Variants in PGBD5 observed in about 807,000 individuals in gnomAD.
PGBD5 encodes piggyBac transposable element-derived protein 5.
Under a neutral mutation model 47.9 loss-of-function variants are expected in PGBD5, and 14 were observed. That is an observed-to-expected ratio of 0.29 (90% CI 0.19 to 0.46). PGBD5 has a LOEUF of 0.46. Among genes scored for constraint, PGBD5 ranks in the 20% least tolerant of loss-of-function variants. The probability of loss-of-function intolerance (pLI) is 1.00; values close to 1 mark genes in which losing one functional copy is unlikely to be tolerated. For missense variants in PGBD5, 635 were observed against 716.0 expected (o/e 0.89, Z 1.29); for synonymous variants, 316 against 306.3 (o/e 1.03, Z -0.33).
At chr1:230,326,373 G>A (rs114612308) in intron 5 of PGBD5, among the ~76,000 whole-genome samples, 5,325 of 152,314 alleles carry the variant, frequency 0.035, 119 homozygotes, top group South Asian at 0.067. Context: ...TGCTGAGATC[G>A]CTGCCATTGT....
At position 230,402,963 on chromosome 1, in the gene PGBD5, C is replaced by T. The variant is rs936120587; in HGVS notation, c.331+22635G>A. ...TAATGGATCCTTGTCTTCATCCAAG[C>T]AACTACAAGATCAAGCCTTTGTGAA... is the stretch of plus-strand genomic sequence containing the variant. On this transcript the variant is annotated intron_variant, in intron 1 of 6. Transcript: ENST00000391860. 2.0e-5 allele frequency among the ~76,000 whole-genome samples: 3 copies of T among 152,188 alleles called. No individual in the cohort carries two copies. In the South Asian group the frequency reaches 6.2e-4, roughly 32 times the overall value.
chr1:230,327,977 T>C (rs1667149471), intron 5 of PGBD5, among the ~76,000 whole-genome samples: 1 of 152,192 alleles, frequency 6.6e-6, no homozygotes, highest in Non-Finnish European at 1.5e-5. Flanking sequence ...CTCTGTAGGG[T>C]TCCACTTGGA....
rs1394584575 is a variant in PGBD5, at chr1:230,357,297, C to G, written c.356G>C (p.Ser119Thr). The change falls in exon 2 of 7, where the codon AGC becomes ACC. Residue 119 changes from serine to threonine, a missense_variant. Coordinates refer to ENST00000391860, the MANE Select transcript of PGBD5 (RefSeq NM_001258311.2). This position sits in a 1 kb window ranked among gnomAD's most constrained non-coding sequence, Gnocchi z 5.7. ...TGGPTRKMPPSASAVDFFQLF... is the reference protein window; with the variant it reads ...TGGPTRKMPPTASAVDFFQLF... ...CTGGAAGAAGTCCACGGCACTGGCG[C>G]TGGGGGGCATCTTTCGGGTGGGACC... is the stretch of plus-strand genomic sequence containing the variant. 11 of 1,613,544 alleles carry G rather than the reference C, an allele frequency of 6.8e-6. No homozygotes were observed. The highest frequency in any genetic ancestry group is 9.3e-6 in the Non-Finnish European group (11 of 1,179,682).
chr1:230,374,185 G>A (rs905419075), intron 1 of PGBD5, among the ~76,000 whole-genome samples: 2 of 152,148 alleles, frequency 1.3e-5, no homozygotes, highest in Admixed American at 6.5e-5. Flanking sequence ...TTGGGAGGCC[G>A]AGGTGGGTGG....
At chr1:230,347,361 C>T (rs2102698645) in intron 3 of PGBD5, among the ~76,000 whole-genome samples, 1 of 152,168 alleles carries the variant, frequency 6.6e-6, no homozygotes, top group Non-Finnish European at 1.5e-5. Context: ...AGTCCAACAT[C>T]AGAGAAGCCC....
chr1:230,387,717 C>T (rs1486918335), intron 1 of PGBD5, among the ~76,000 whole-genome samples: 1 of 152,156 alleles, frequency 6.6e-6, no homozygotes, highest in African/African-American at 2.4e-5. Context: ...AGTGGAATAG[C>T]CATGGTCTCA....
intron 1 of PGBD5, among the ~76,000 whole-genome samples, chr1:230,423,610 T>G (rs1186930009): frequency 6.6e-6 from 1 of 152,194 alleles, no homozygotes; most frequent in Non-Finnish European, 1.5e-5. Context: ...TTGGAGAAAC[T>G]GAATTCAAGT....
chr1:230,402,305 G>A (rs137983244), intron 1 of PGBD5, among the ~76,000 whole-genome samples: 88 of 152,328 alleles, frequency 5.8e-4, no homozygotes, highest in African/African-American at 1.9e-3. Context: ...AGAAGTCCAC[G>A]TGGCCTAACG....
rs1332019837 is a variant in PGBD5 at position 230,323,344 on chromosome 1, G to A, written c.*81C>T. ...GCAAGCCACACACCAGGCCGTGTCC[G>A]GGTCTCTGATGGGCAAGTTGGAACG... On this transcript the variant is annotated 3_prime_UTR_variant, in exon 7 of 7. Transcript: ENST00000391860. This position sits in a 1 kb window ranked among gnomAD's most constrained non-coding sequence, Gnocchi z 4.1. The A allele has an allele frequency of 9.9e-6, 15 of 1,508,514 alleles. No homozygotes were observed. Among genetic ancestry groups the A allele is most frequent in the Middle Eastern group, 2.3e-4 (1 of 4,406 alleles). The allele number at this position is 1,508,514 out of a possible 1,614,324, so 93.4% of individuals were successfully genotyped here. A position where few individuals can be genotyped will look rare whatever the true frequency, so the allele number is the denominator to read the frequency against.
intron 1 of PGBD5, among the ~76,000 whole-genome samples, chr1:230,384,312 G>T (rs545270521): frequency 6.6e-4 from 100 of 152,260 alleles, no homozygotes; most frequent in African/African-American, 2.4e-3. Flanking sequence ...TGACTGCATG[G>T]GGTGGGAAAT....
chr1:230,379,585 A>G (rs996454207), intron 1 of PGBD5, among the ~76,000 whole-genome samples: 5 of 152,266 alleles, frequency 3.3e-5, no homozygotes, highest in African/African-American at 1.2e-4. Flanking sequence ...CATGTTCACC[A>G]GCATGCAATG....
At chr1:230,326,744 G>C (rs1667123628) in intron 5 of PGBD5, among the ~76,000 whole-genome samples, 1 of 152,108 alleles carries the variant, frequency 6.6e-6, no homozygotes, top group African/African-American at 2.4e-5. Flanking sequence ...CAAAACTCTG[G>C]GATTACATGT....
intron 1 of PGBD5, chr1:230,367,959 G>A (rs749593901): frequency 1.5e-6 from 2 of 1,366,218 alleles, no homozygotes; most frequent in African/African-American, 1.5e-5. Context: ...ACACCAAGGA[G>A]CTCAAGGTCC....
At chr1:230,326,113 G>A (rs1318864952) in intron 5 of PGBD5, among the ~76,000 whole-genome samples, 2 of 152,240 alleles carry the variant, frequency 1.3e-5, no homozygotes, top group Non-Finnish European at 2.9e-5. Flanking sequence ...ATTATTGTTT[G>A]TCAATTTAAA....
intron 3 of PGBD5, among the ~76,000 whole-genome samples, chr1:230,338,566 G>A (rs1558193635): frequency 2.6e-5 from 4 of 152,192 alleles, no homozygotes; most frequent in Admixed American, 1.3e-4. Context: ...TTGGGAGGCT[G>A]AGGTGAGTGA....
At chr1:230,359,888 T>C (rs1384135703) in intron 1 of PGBD5, among the ~76,000 whole-genome samples, 1 of 152,168 alleles carries the variant, frequency 6.6e-6, no homozygotes, top group East Asian at 1.9e-4. Flanking sequence ...TCACCAACCA[T>C]TTTTTGGGCA....
intron 3 of PGBD5, among the ~76,000 whole-genome samples, chr1:230,350,626 G>A (rs558830038): frequency 8.5e-5 from 13 of 152,174 alleles, no homozygotes; most frequent in Non-Finnish European, 1.8e-4. Flanking sequence ...TAGAAACCTC[G>A]TATGACCCAC....
chr1:230,384,962 T>G (rs1384933311), intron 1 of PGBD5, among the ~76,000 whole-genome samples: 1 of 152,218 alleles, frequency 6.6e-6, no homozygotes, highest in East Asian at 1.9e-4. Flanking sequence ...TATAGAAGTA[T>G]TTCAGTAAAT....
At position 230,316,948 on chromosome 1, in the gene PGBD5, G is replaced by C. The variant is rs1018601513; in HGVS notation, c.*6477C>G. ...GGCAAGTTGCAGGTTGGCAAGTCCT[G>C]GTCAAATGCAGTGTGACTGCAGCCT... On this transcript the variant is annotated 3_prime_UTR_variant, in exon 7 of 7. Transcript: ENST00000391860. The C allele has an allele frequency of 1.3e-5, 2 of 152,210 alleles. No homozygotes were observed. The highest frequency in any genetic ancestry group is 2.9e-5 in the Non-Finnish European group (2 of 68,056). 9.4% of individuals were successfully genotyped at this position (152,210 alleles called of 1,614,324 possible). A position where few individuals can be genotyped will look rare whatever the true frequency, so the allele number is the denominator to read the frequency against.
Sources: allele counts gnomAD v4.1 joint callset (sites outside exome capture counted in the v4.1 genomes callset), GRCh38; gene constraint gnomAD v4.1.1; non-coding constraint Gnocchi (gnomAD v3.1); transcripts MANE v1.5; gene names NCBI Gene and HGNC (gene_info 2026-07-23, HGNC 2026-07-21).